TSNARE1: variants seen among roughly 807,000 people sequenced by gnomAD.
The protein encoded by TSNARE1 is t-SNARE domain containing 1, also known as t-SNARE domain-containing protein 1.
In TSNARE1, 49 loss-of-function variants were observed where a neutral mutation model predicts 62.0. The observed-to-expected ratio is 0.79, with a 90% CI of 0.63 to 1.00. The LOEUF (loss-of-function observed/expected upper bound fraction) is 1.00. TSNARE1 is among the 50% of genes least tolerant of loss of function. The pLI is 0.00. For synonymous variants in TSNARE1, 328 were observed against 294.4 expected, an observed-to-expected ratio of 1.11 and a Z score of -1.17; for missense variants, 755 against 700.1, an observed-to-expected ratio of 1.08 and a Z score of -0.88.
At position 142,217,303 on chromosome 8, in the gene TSNARE1, A is replaced by AAAAGAAAGAAAG. The variant is rs140047050; in HGVS notation, c.*12-5002_*12-4991dup. Among the ~76,000 whole-genome samples, 1,130 of 126,712 alleles carry AAAAGAAAGAAAG rather than the reference A, an allele frequency of 8.9e-3. 12 individuals carry two copies. Among genetic ancestry groups the AAAAGAAAGAAAG allele is most frequent in the Non-Finnish European group, 0.012 (746 of 61,806 alleles). The allele number at this position is 126,712 out of a possible 152,430, so 83.1% of individuals were successfully genotyped here. A position where few individuals can be genotyped will look rare whatever the true frequency, so the allele number is the denominator to read the frequency against. On this transcript the variant is annotated intron_variant, in intron 13 of 13. Coordinates refer to ENST00000524325, the MANE Select transcript of TSNARE1 (RefSeq NM_145003.5). Reference sequence around the variant, plus strand: ...AATAAAAAGAAGAAAGAAAGAAAGAAAAAGAAAGAAAGAAAGAAAGAAAGA... The same window carrying AAAAGAAAGAAAG: ...AATAAAAAGAAGAAAGAAAGAAAGAAAAAGAAAGAAAGAAAGAAAGAAAGAAAGAAAGAAAGA...
intron 11 of TSNARE1, chr8:142,277,505 C>G (rs1033801995): frequency 1.0e-6 from 1 of 985,344 alleles, no homozygotes; most frequent in Admixed American, 6.1e-5. Context: ...AAAGCATGGC[C>G]GGCTCGGGGC....
At chr8:142,215,277 C>A (rs1453316017) in intron 13 of TSNARE1, among the ~76,000 whole-genome samples, 1 of 152,218 alleles carries the variant, frequency 6.6e-6, no homozygotes, top group East Asian at 1.9e-4. Context: ...CACTTCCTAG[C>A]TGCCTGGGGA....
rs371724970 is a variant in TSNARE1, at chr8:142,337,809, C to A, written c.746-5978G>T. Among the ~76,000 whole-genome samples, 29 of 152,218 alleles carry A rather than the reference C, an allele frequency of 1.9e-4. 2 individuals are homozygous for A. Among genetic ancestry groups the A allele is most frequent in the Admixed American group, 1.7e-3 (26 of 15,294 alleles). On this transcript the variant is annotated intron_variant, in intron 4 of 13. Coordinates refer to ENST00000524325, the MANE Select transcript of TSNARE1 (RefSeq NM_145003.5). ...GACGCCACATCCTGGTCTCAGGAAG[C>A]GCCCATTCCCACATATCCCACGGCT... is the stretch of plus-strand genomic sequence containing the variant.
chr8:142,339,747 G>A (rs1344812678), intron 4 of TSNARE1, among the ~76,000 whole-genome samples: 1 of 152,266 alleles, frequency 6.6e-6, no homozygotes, highest in African/African-American at 2.4e-5. Context: ...CTGCGGGAAA[G>A]GCAGGTGGCA....
At chr8:142,213,712 C>T (rs1815686966) in intron 13 of TSNARE1, among the ~76,000 whole-genome samples, 1 of 152,176 alleles carries the variant, frequency 6.6e-6, no homozygotes, top group Non-Finnish European at 1.5e-5. Context: ...CCAATTACCA[C>T]AGGAAGCAGG....
chr8:142,314,950 G>C, intron 8 of TSNARE1, 53 bp downstream of exon 8: 2 of 1,578,474 alleles, frequency 1.3e-6, no homozygotes, highest in Non-Finnish European at 1.7e-6. Context: ...TCCGGGAACC[G>C]AGGCCGACCC....
At chr8:142,271,605 C>A (rs768184344) in intron 12 of TSNARE1, 12 of 1,432,646 alleles carry the variant, frequency 8.4e-6, no homozygotes, top group Non-Finnish European at 1.0e-5. Context: ...CCTCGTAAGT[C>A]CAGGGGGTCA....
intron 10 of TSNARE1, among the ~76,000 whole-genome samples, chr8:142,297,624 A>C (rs1563854479): frequency 6.6e-6 from 1 of 152,178 alleles, no homozygotes; most frequent in Non-Finnish European, 1.5e-5. Flanking sequence ...ACAGCTCCAC[A>C]AAACCCTGCC....
intron 1 of TSNARE1, among the ~76,000 whole-genome samples, chr8:142,394,971 C>T (rs976810511): frequency 2.6e-5 from 4 of 152,264 alleles, no homozygotes; most frequent in Admixed American, 6.5e-5. Context: ...GTCTCCCTTC[C>T]GTAAGATAGG....
rs553087978 is a variant in TSNARE1, at chr8:142,287,666, T to A, written c.1291-3181A>T. 9.3e-5 allele frequency among the ~76,000 whole-genome samples: 12 copies of A among 129,622 alleles called. No individual in the cohort carries two copies. The East Asian group carries it at 1.4e-3, about 16-fold the overall frequency. 85.0% of individuals were successfully genotyped at this position (129,622 alleles called of 152,430 possible). ...GGACAGTGGGCTGCCCTCCAGGTCG[T>A]GGAACCCAGGACCCCGGCCAGATCT... is the stretch of plus-strand genomic sequence containing the variant. On this transcript the variant is annotated intron_variant, in intron 10 of 13. Transcript: ENST00000524325.
intron 4 of TSNARE1, among the ~76,000 whole-genome samples, chr8:142,337,963 A>G (rs935931097): frequency 2.0e-5 from 3 of 152,204 alleles, no homozygotes; most frequent in African/African-American, 7.2e-5. Flanking sequence ...GGAGGTCCAG[A>G]GAGGGCCCCC....
chr8:142,275,588 C>G, intron 11 of TSNARE1: 1 of 985,440 alleles, frequency 1.0e-6, no homozygotes, highest in Non-Finnish European at 1.2e-6. Context: ...GGAGCGCAGG[C>G]ACAGCCGGGG....
intron 12 of TSNARE1, among the ~76,000 whole-genome samples, chr8:142,231,566 C>T (rs550100755): frequency 6.6e-6 from 1 of 152,322 alleles, no homozygotes; most frequent in Admixed American, 6.5e-5. Context: ...AGGACAACTT[C>T]AGGACACATG....
intron 4 of TSNARE1, among the ~76,000 whole-genome samples, chr8:142,337,346 C>T (rs1306292661): frequency 6.6e-6 from 1 of 152,240 alleles, no homozygotes; most frequent in East Asian, 1.9e-4. Context: ...CCCCCCACAA[C>T]AAAATGCAAA....
In TSNARE1 at chr8:142,344,365, G is replaced by T; in HGVS notation, c.346C>A (p.Pro116Thr). The T allele has an allele frequency of 6.4e-7, 1 of 1,569,898 alleles. No homozygotes were observed. Among genetic ancestry groups the T allele is most frequent in the Non-Finnish European group, 8.6e-7 (1 of 1,162,018 alleles). ...CTCTTCTTGGCCCGGGTAGTGCTGG[G>T]CCCCGCCATCCGGCCATGGGGCCCA... ...AAGPHGRMAG[P>T]STTRAKKRKP... is the part of the protein sequence containing the mutation. The change falls in exon 4 of 14, where the codon CCC becomes ACC. Residue 116 changes from proline (P) to threonine (T), a missense_variant. By Grantham distance (38) the Pro-to-Thr change is conservative (BLOSUM62 -1). Transcript: ENST00000524325.
Position 142,277,208 on chromosome 8 carries a change from G to A in TSNARE1, c.1364-2345C>T, listed in dbSNP as rs1055062495. On this transcript the variant is annotated intron_variant, in intron 11 of 13. Coordinates refer to ENST00000524325, the MANE Select transcript of TSNARE1 (RefSeq NM_145003.5). ...CCCAACACAGGGGGTGCTCCACGGG[G>A]GCCCCTTGCACATCCCCTGACTCCA... 1.5e-5 allele frequency: 15 copies of A among 985,212 alleles called. No homozygotes were observed. In the South Asian group the frequency reaches 6.6e-4, roughly 43 times the overall value. The allele number at this position is 985,212 out of a possible 1,614,324, so 61.0% of individuals were successfully genotyped here.
chr8:142,402,439 A>G (rs1838362240), intron 1 of TSNARE1, among the ~76,000 whole-genome samples: 1 of 152,254 alleles, frequency 6.6e-6, no homozygotes, highest in South Asian at 2.1e-4. Context: ...CACACTGGAC[A>G]TGGCAGAGCT....
intron 1 of TSNARE1, among the ~76,000 whole-genome samples, chr8:142,384,104 G>A (rs1370256829): frequency 1.3e-5 from 2 of 152,120 alleles, no homozygotes; most frequent in Non-Finnish European, 2.9e-5. Context: ...AACAGAACCG[G>A]GTGAGAAGGG....
Position 142,227,426 on chromosome 8 carries a change from C to T in TSNARE1, c.*11+2047G>A, listed in dbSNP as rs529955492. 8.9e-4 allele frequency among the ~76,000 whole-genome samples: 60 copies of T among 67,408 alleles called. 1 individual carries two copies. Among genetic ancestry groups the T allele is most frequent in the East Asian group, 4.5e-3 (13 of 2,876 alleles). 44.2% of individuals were successfully genotyped at this position (67,408 alleles called of 152,430 possible). A position where few individuals can be genotyped will look rare whatever the true frequency, so the allele number is the denominator to read the frequency against. ...ACAGCCAGGAGCCCCAACCTGCCCA[C>T]AACCCCAGTGGCAGCCAGGACCTCC... On this transcript the variant is annotated intron_variant, in intron 13 of 13. Coordinates refer to ENST00000524325, the MANE Select transcript of TSNARE1 (RefSeq NM_145003.5).
Sources: allele counts gnomAD v4.1 joint callset (sites outside exome capture counted in the v4.1 genomes callset), GRCh38; gene constraint gnomAD v4.1.1; transcripts MANE v1.5; gene names NCBI Gene and HGNC (gene_info 2026-07-23, HGNC 2026-07-21).